Variants in LOC112694756 observed in about 807,000 individuals in gnomAD.
At chr16:30,062,738 G>A in the LOC112694756 span, among the ~76,000 whole-genome samples, 2 of 152,020 alleles carry the variant, frequency 1.3e-5, no homozygotes, top group Admixed American at 1.3e-4. Flanking sequence ...CTACTTGGGA[G>A]GCTGAGGCAG....
At chr16:30,068,370 A>G in the LOC112694756 span, 1 of 467,150 alleles carries the variant, frequency 2.1e-6, no homozygotes, top group Non-Finnish European at 4.0e-6. Flanking sequence ...GGCTTAAGTA[A>G]CTAAATATTT....
At chr16:30,061,577 T>TG in the LOC112694756 span, among the ~76,000 whole-genome samples, 4 of 145,052 alleles carry the variant, frequency 2.8e-5, no homozygotes, top group Non-Finnish European at 6.0e-5. Context: ...TTTTTTTTTT[T>TG]GAGGCAGAGT....
the LOC112694756 span, chr16:30,068,679 A>G: frequency 1.6e-5 from 26 of 1,614,206 alleles, no homozygotes; most frequent in Middle Eastern, 1.6e-4. Context: ...GGCAGGGACA[A>G]ATGGCGAGAC....
chr16:30,070,172 C>T, the LOC112694756 span: 1 of 1,614,134 alleles, frequency 6.2e-7, no homozygotes, highest in Non-Finnish European at 8.5e-7. Context: ...GCTGGGGCTG[C>T]TGCCAGCGAG....
At chr16:30,068,432 A>G in the LOC112694756 span, 2 of 640,684 alleles carry the variant, frequency 3.1e-6, no homozygotes, top group South Asian at 3.3e-5. Context: ...AGTTTAAGGG[A>G]TTAAGTAAAT....
chr16:30,069,763 C>T, the LOC112694756 span: 4 of 1,611,908 alleles, frequency 2.5e-6, no homozygotes, highest in Admixed American at 1.7e-5. Flanking sequence ...ATGGCAACTT[C>T]CACCAGCTCC....
the LOC112694756 span, chr16:30,069,076 G>A: frequency 6.4e-7 from 1 of 1,564,766 alleles, no homozygotes; most frequent in South Asian, 1.1e-5. Context: ...CTCCCCAAAA[G>A]CAAGCATTAG....
At chr16:30,063,100 C>T in the LOC112694756 span, among the ~76,000 whole-genome samples, 1 of 149,780 alleles carries the variant, frequency 6.7e-6, no homozygotes, top group African/African-American at 2.5e-5. Context: ...AAGATCGCAC[C>T]ATTGCACTCC....
the LOC112694756 span, among the ~76,000 whole-genome samples, chr16:30,059,585 G>T: frequency 6.7e-6 from 1 of 149,524 alleles, no homozygotes; most frequent in Non-Finnish European, 1.5e-5. Context: ...AGGCTGGAGT[G>T]CAGTGCTCCC....
chr16:30,070,156 G>T, the LOC112694756 span: 4 of 1,614,118 alleles, frequency 2.5e-6, no homozygotes, highest in Non-Finnish European at 1.7e-6. Flanking sequence ...CACTCCGAGC[G>T]GTCAGGCTGG....
At chr16:30,063,709 C>T in the LOC112694756 span, 1 of 399,430 alleles carries the variant, frequency 2.5e-6, no homozygotes, top group East Asian at 3.6e-5. Flanking sequence ...CCTCCCTCAA[C>T]CCTCTCTCTC....
the LOC112694756 span, among the ~76,000 whole-genome samples, chr16:30,053,889 G>C: frequency 6.6e-6 from 1 of 152,170 alleles, no homozygotes; most frequent in African/African-American, 2.4e-5. Flanking sequence ...AGTGCCAGGC[G>C]TGGTGGCTGT....
chr16:30,069,596 C>T, the LOC112694756 span: 1 of 1,614,006 alleles, frequency 6.2e-7, no homozygotes, highest in Non-Finnish European at 8.5e-7. Flanking sequence ...CATGCTTGCA[C>T]TCAGAAGTTT....
the LOC112694756 span, among the ~76,000 whole-genome samples, chr16:30,059,908 C>G: frequency 3.9e-5 from 6 of 152,206 alleles, no homozygotes; most frequent in East Asian, 1.2e-3. Flanking sequence ...ACTTACCAGG[C>G]ATCGTGCTTA....
chr16:30,064,378 G>C, the LOC112694756 span: 1 of 398,792 alleles, frequency 2.5e-6, no homozygotes, highest in Non-Finnish European at 4.4e-6. Context: ...GAGGGTGGCA[G>C]GGAGGCCACG....
chr16:30,070,063 G>A, the LOC112694756 span: 1 of 1,613,590 alleles, frequency 6.2e-7, no homozygotes, highest in Non-Finnish European at 8.5e-7. Context: ...AGGGTGCCTG[G>A]GTGGATGGGA....
the LOC112694756 span, chr16:30,055,175 C>T: frequency 1.8e-5 from 7 of 399,326 alleles, no homozygotes; most frequent in East Asian, 3.6e-5. Context: ...GACCTAGGCC[C>T]AGGGCTGCTG....
chr16:30,069,949 CAGGCCTCTGCCCTGA>C, the LOC112694756 span: 3 of 1,614,056 alleles, frequency 1.9e-6, no homozygotes, highest in Non-Finnish European at 2.5e-6. Context: ...CCGAGCCCTG[CAGGCCTCTGCCCTGA>C]AGGCCTGGGG....
chr16:30,067,406 G>A, the LOC112694756 span: 1 of 1,613,910 alleles, frequency 6.2e-7, no homozygotes, highest in Non-Finnish European at 8.5e-7. Context: ...GTGCAGGGTT[G>A]GGAGTGGCAG....
Sources: allele counts gnomAD v4.1 joint callset (sites outside exome capture counted in the v4.1 genomes callset), GRCh38; gene constraint gnomAD v4.1.1; transcripts MANE v1.5.